Variants in DIAPH2 observed in about 807,000 individuals in gnomAD.
DIAPH2 encodes the protein diaphanous related formin 2.
DIAPH2 carries 35 observed loss-of-function variants against 92.7 expected under a neutral mutation model. That is an observed-to-expected ratio of 0.38 (90% CI 0.29 to 0.50). The LOEUF (loss-of-function observed/expected upper bound fraction) is 0.50, where lower values mean the gene tolerates loss of function less well. Ranked by LOEUF, DIAPH2 falls within the 20% of genes least tolerant of loss-of-function variation. The probability of loss-of-function intolerance (pLI) is 0.94; values close to 1 mark genes in which losing one functional copy is unlikely to be tolerated. For missense variants in DIAPH2, 701 were observed against 819.5 expected, an observed-to-expected ratio of 0.86 and a Z score of 1.77; for synonymous variants, 301 against 280.4, an observed-to-expected ratio of 1.07 and a Z score of -0.73.
chrX:97,423,908 CA>C (rs1201154006), intron 25 of DIAPH2, among the ~76,000 whole-genome samples: 1 of 109,794 alleles, frequency 9.1e-6, no homozygotes, highest in Non-Finnish European at 1.9e-5. Context: ...ACTCGTAGAC[CA>C]AAAAAAACCC....
At chrX:97,410,266 C>G (rs2069855029) in intron 25 of DIAPH2, among the ~76,000 whole-genome samples, 1 of 112,134 alleles carries the variant, frequency 8.9e-6, no homozygotes. Flanking sequence ...CCCAGGCAAA[C>G]AGGGTCTGGA....
intron 21 of DIAPH2, among the ~76,000 whole-genome samples, chrX:97,122,662 G>A (rs886682556): frequency 8.9e-6 from 1 of 112,019 alleles, no homozygotes; most frequent in African/African-American, 3.2e-5. Context: ...ATAATTTGCT[G>A]AGAAGAAAAT....
intron 23 of DIAPH2, among the ~76,000 whole-genome samples, chrX:97,329,931 CA>C (rs1569364105): frequency 7.6e-4 from 66 of 86,639 alleles, no homozygotes; most frequent in South Asian, 1.8e-3. Flanking sequence ...CACACACACA[CA>C]CACACCCCAC....
chrX:97,004,698 G>T (rs1194838826), intron 17 of DIAPH2, among the ~76,000 whole-genome samples: 1 of 111,864 alleles, frequency 8.9e-6, no homozygotes, highest in Non-Finnish European at 1.9e-5. Flanking sequence ...ATAGTTTTTT[G>T]ATTGAGTCAT....
chrX:97,110,986 A>C (rs184767340), intron 20 of DIAPH2, among the ~76,000 whole-genome samples: 1,955 of 108,090 alleles, frequency 0.018, 47 homozygotes, highest in African/African-American at 0.066. Context: ...CCGTCTCAAA[A>C]AAAACAAACA....
At chrX:96,855,509 A>T (rs2065033893) in intron 4 of DIAPH2, among the ~76,000 whole-genome samples, 1 of 110,025 alleles carries the variant, frequency 9.1e-6, no homozygotes, top group African/African-American at 3.3e-5. Flanking sequence ...GCAATAAAAA[A>T]CTATGGCTTA....
chrX:97,507,934 G>A (rs1021447485), intron 26 of DIAPH2, among the ~76,000 whole-genome samples: 45 of 111,085 alleles, frequency 4.1e-4, no homozygotes, highest in African/African-American at 1.4e-3. Flanking sequence ...AGTTGGATTC[G>A]TAGAGCCAGC....
At chrX:97,544,256 GA>G (rs2071162971) in intron 26 of DIAPH2, among the ~76,000 whole-genome samples, 2 of 111,917 alleles carry the variant, frequency 1.8e-5, no homozygotes, top group Non-Finnish European at 3.8e-5. Flanking sequence ...TCCAAGCATA[GA>G]AAACATATCT....
chrX:97,005,812 TA>T (rs1254964801), intron 17 of DIAPH2, among the ~76,000 whole-genome samples: 1 of 111,558 alleles, frequency 9.0e-6, no homozygotes, highest in Non-Finnish European at 1.9e-5. Flanking sequence ...GTGCTGGGAT[TA>T]CAGGCGTGAG....
intron 26 of DIAPH2, among the ~76,000 whole-genome samples, chrX:97,561,017 T>C (rs1950012267): frequency 8.9e-6 from 1 of 112,099 alleles, no homozygotes; most frequent in Admixed American, 9.4e-5. Context: ...ATCTGAAGCA[T>C]CTGGGGGGAA....
At chrX:97,411,033 C>T (rs2147758958) in intron 25 of DIAPH2, among the ~76,000 whole-genome samples, 1 of 111,283 alleles carries the variant, frequency 9.0e-6, no homozygotes, top group African/African-American at 3.3e-5. Flanking sequence ...GGCCAACATC[C>T]AAATTCAGGA....
intron 23 of DIAPH2, among the ~76,000 whole-genome samples, chrX:97,338,482 A>G (rs1188423952): frequency 8.9e-6 from 1 of 112,134 alleles, no homozygotes; most frequent in Non-Finnish European, 1.9e-5. Flanking sequence ...CAGGTTTTAA[A>G]AAGTGGAAAT....
intron 4 of DIAPH2, among the ~76,000 whole-genome samples, chrX:96,873,508 G>A (rs1290125267): frequency 9.1e-6 from 1 of 109,858 alleles, no homozygotes; most frequent in Non-Finnish European, 1.9e-5. Flanking sequence ...GTGGAGGGTT[G>A]TGGGAAGGAG....
chrX:97,326,280 C>G, intron 23 of DIAPH2, among the ~76,000 whole-genome samples: 1 of 112,018 alleles, frequency 8.9e-6, no homozygotes, highest in Admixed American at 9.5e-5. Flanking sequence ...CAGTGGGTAG[C>G]ATATGGAATA....
At chrX:97,556,549 C>T (rs145684975) in intron 26 of DIAPH2, among the ~76,000 whole-genome samples, 1,381 of 111,997 alleles carry the variant, frequency 0.012, 17 homozygotes, top group African/African-American at 0.042. Context: ...TCTGTTGGTT[C>T]CCAACAAACC....
intron 4 of DIAPH2, among the ~76,000 whole-genome samples, chrX:96,870,698 G>A (rs995258116): frequency 9.0e-6 from 1 of 111,355 alleles, no homozygotes; most frequent in Non-Finnish European, 1.9e-5. Flanking sequence ...ACAAGGAACT[G>A]ATAAAATTCA....
At chrX:97,313,707 C>T (rs948223178) in intron 23 of DIAPH2, among the ~76,000 whole-genome samples, 2 of 109,514 alleles carry the variant, frequency 1.8e-5, no homozygotes, top group South Asian at 4.0e-4. Flanking sequence ...GGTGTGATCT[C>T]GGCTCACTGC....
intron 26 of DIAPH2, among the ~76,000 whole-genome samples, chrX:97,438,549 AT>A (rs900732577): frequency 1.9e-5 from 2 of 104,971 alleles, no homozygotes; most frequent in Admixed American, 1.0e-4. Flanking sequence ...TTATTTATTT[AT>A]TTTTTTTGTA....
chrX:97,247,009 A>G (rs1295273270), intron 22 of DIAPH2, among the ~76,000 whole-genome samples: 1 of 112,278 alleles, frequency 8.9e-6, no homozygotes, highest in Admixed American at 9.5e-5. Flanking sequence ...AAAAATGTGC[A>G]TGTATTTAGG....
Sources: allele counts gnomAD v4.1 joint callset (sites outside exome capture counted in the v4.1 genomes callset), GRCh38; gene constraint gnomAD v4.1.1; transcripts MANE v1.5; gene names NCBI Gene and HGNC (gene_info 2026-07-23, HGNC 2026-07-21).